SLC36A1: variants seen among roughly 807,000 people sequenced by gnomAD.
SLC36A1 encodes solute carrier family 36 member 1, also known as proton-coupled amino acid transporter 1.
A neutral mutation model predicts 47.5 loss-of-function variants in SLC36A1; 30 were observed. The ratio of observed to expected loss-of-function variants is 0.63; its 90% CI spans 0.47 to 0.86. SLC36A1 has a LOEUF of 0.86. SLC36A1 is among the 40% of genes least tolerant of loss of function. SLC36A1 has a pLI of 0.00. For missense variants in SLC36A1, 517 were observed against 606.0 expected (o/e 0.85, Z 1.54); for synonymous variants, 255 against 249.7 (o/e 1.02, Z -0.20).
At chr5:151,438,579 C>T (rs546470298) in intron 1 of SLC36A1, among the ~76,000 whole-genome samples, 1 of 152,306 alleles carries the variant, frequency 6.6e-6, no homozygotes, top group South Asian at 2.1e-4. Flanking sequence ...GTGTGAGCAG[C>T]ATTTTGTTCC....
the SLC36A1 span, chr5:151,534,698 T>A: frequency 3.9e-5 from 58 of 1,479,328 alleles, no homozygotes; most frequent in Non-Finnish European, 5.4e-5. Context: ...TACCCAAGCA[T>A]GTGCCCTCTA....
chr5:151,551,976 G>GGTGTGTGT, the SLC36A1 span, among the ~76,000 whole-genome samples: 3,278 of 143,610 alleles, frequency 0.023, 77 homozygotes, highest in African/African-American at 0.054. Flanking sequence ...TAACCCTAAG[G>GGTGTGTGT]GTGTGTGTGT....
chr5:151,430,187 C>T, the SLC36A1 span, among the ~76,000 whole-genome samples: 4 of 145,812 alleles, frequency 2.7e-5, no homozygotes, highest in East Asian at 2.0e-4. Context: ...TTTTCTGAGA[C>T]GGAGTCTTGC....
At chr5:151,434,363 T>C (rs988837240), upstream of SLC36A1, among the ~76,000 whole-genome samples, 6 of 152,016 alleles carry the variant, frequency 3.9e-5, no homozygotes, top group Non-Finnish European at 8.8e-5. Flanking sequence ...TTCTAGAAAA[T>C]AGAATTATAA....
chr5:151,536,640 C>T, the SLC36A1 span, among the ~76,000 whole-genome samples: 1 of 152,218 alleles, frequency 6.6e-6, no homozygotes, highest in Admixed American at 6.5e-5. Flanking sequence ...CTCTGCTTCC[C>T]ACTCTGCTCT....
the SLC36A1 span, among the ~76,000 whole-genome samples, chr5:151,388,392 T>G: frequency 6.6e-6 from 1 of 150,728 alleles, no homozygotes; most frequent in Non-Finnish European, 1.5e-5. Context: ...TCCCAGCTAC[T>G]TGGGAGGCTG....
chr5:151,499,136 C>CAGCTTTG, the SLC36A1 span, among the ~76,000 whole-genome samples: 1 of 152,266 alleles, frequency 6.6e-6, no homozygotes, highest in Non-Finnish European at 1.5e-5. Context: ...TTGTATCAAT[C>CAGCTTTG]TAACCAGGCA....
At chr5:151,534,544 C>G in the SLC36A1 span, 1 of 1,614,022 alleles carries the variant, frequency 6.2e-7, no homozygotes, top group African/African-American at 1.3e-5. Flanking sequence ...AGGGTGATGT[C>G]TGCCTGGCAC....
At chr5:151,441,365 CAA>C (rs1480338568) in intron 1 of SLC36A1, among the ~76,000 whole-genome samples, 3 of 152,050 alleles carry the variant, frequency 2.0e-5, no homozygotes, top group African/African-American at 7.3e-5. Context: ...GTGCTATAAA[CAA>C]GAGGTTGTAT....
the SLC36A1 span, among the ~76,000 whole-genome samples, chr5:151,409,651 C>A: frequency 6.6e-6 from 1 of 152,178 alleles, no homozygotes; most frequent in African/African-American, 2.4e-5. Context: ...CACCCTGGAC[C>A]TCCTGACTCA....
chr5:151,456,659 A>G (rs1754569010), intron 1 of SLC36A1, among the ~76,000 whole-genome samples: 1 of 152,188 alleles, frequency 6.6e-6, no homozygotes, highest in Non-Finnish European at 1.5e-5. Context: ...ATTTTTAGCC[A>G]AGTGGCTCTG....
chr5:151,407,122 A>C, the SLC36A1 span, among the ~76,000 whole-genome samples: 1 of 152,210 alleles, frequency 6.6e-6, no homozygotes, highest in South Asian at 2.1e-4. Flanking sequence ...TACAGCTCAT[A>C]CAGGTAGTAT....
the SLC36A1 span, among the ~76,000 whole-genome samples, chr5:151,395,715 G>A: frequency 6.6e-6 from 1 of 152,126 alleles, no homozygotes; most frequent in Non-Finnish European, 1.5e-5. Flanking sequence ...AAGACATAAT[G>A]GTAGATGGGC....
intron 5 of SLC36A1, among the ~76,000 whole-genome samples, chr5:151,466,791 C>T (rs1005368215): frequency 6.6e-6 from 1 of 152,148 alleles, no homozygotes; most frequent in Non-Finnish European, 1.5e-5. Flanking sequence ...GGTGTCTGTG[C>T]ATGTGTCTCA....
intron 3 of SLC36A1, 96 bp downstream of exon 3, chr5:151,463,739 A>G: frequency 1.1e-6 from 1 of 931,282 alleles, no homozygotes. Flanking sequence ...CATTTTAAAT[A>G]GAGAAGCATT....
the SLC36A1 span, chr5:151,544,459 C>T: frequency 6.2e-7 from 1 of 1,614,134 alleles, no homozygotes; most frequent in South Asian, 1.1e-5. Context: ...TGTTAGGACA[C>T]CAGTCTTGAA....
the SLC36A1 span, chr5:151,545,509 G>T: frequency 6.2e-7 from 1 of 1,614,164 alleles, no homozygotes. Context: ...TATCTGTTCT[G>T]AGAATCTGGG....
intron 7 of SLC36A1, among the ~76,000 whole-genome samples, chr5:151,470,050 T>C (rs1029013846): frequency 1.3e-5 from 2 of 152,236 alleles, no homozygotes; most frequent in Non-Finnish European, 2.9e-5. Context: ...ATATTGACTC[T>C]TCTGCAGAAC....
chr5:151,443,093 G>T (rs190388468), upstream of SLC36A1, among the ~76,000 whole-genome samples: 7 of 152,252 alleles, frequency 4.6e-5, no homozygotes, highest in Admixed American at 4.6e-4. Context: ...AAGCTACAAT[G>T]AATATGGGCA....
Sources: gnomAD v4.1 joint callset for allele counts (sites outside exome capture counted in the v4.1 genomes callset) on GRCh38, gnomAD v4.1.1 for gene constraint, MANE v1.5 for transcripts, NCBI Gene and HGNC (gene_info 2026-07-23, HGNC 2026-07-21) for gene names.